SNX10: variants seen among roughly 807,000 people sequenced by gnomAD.
SNX10 encodes sorting nexin-10.
In SNX10, 25 loss-of-function variants were observed where a neutral mutation model predicts 28.5. That is an observed-to-expected ratio of 0.88 (90% CI 0.64 to 1.22). The LOEUF is 1.22. Among genes scored for constraint, SNX10 ranks in the 50% most tolerant of loss-of-function variants. SNX10 has a pLI of 0.00. For missense variants in SNX10, 223 were observed against 242.6 expected (o/e 0.92, Z 0.54); for synonymous variants, 62 against 81.4 (o/e 0.76, Z 1.28).
intron 1 of SNX10, among the ~76,000 whole-genome samples, chr7:26,327,352 G>T (rs994957391): frequency 6.6e-6 from 1 of 152,164 alleles, no homozygotes; most frequent in Non-Finnish European, 1.5e-5. Flanking sequence ...TCTGAACCCT[G>T]CTACTTTGTG....
intron 1 of SNX10, among the ~76,000 whole-genome samples, chr7:26,316,057 G>A (rs552020967): frequency 2.0e-5 from 3 of 151,732 alleles, no homozygotes; most frequent in East Asian, 1.9e-4. Flanking sequence ...GGTGGCAGGC[G>A]CCTGTAGTCC....
intron 1 of SNX10, among the ~76,000 whole-genome samples, chr7:26,316,981 T>C (rs534961023): frequency 6.6e-6 from 1 of 152,312 alleles, no homozygotes; most frequent in African/African-American, 2.4e-5. Flanking sequence ...GCCAGGCTAA[T>C]GCATATTTCC....
intron 1 of SNX10, among the ~76,000 whole-genome samples, chr7:26,294,625 G>A (rs1786042340): frequency 1.3e-5 from 2 of 152,138 alleles, no homozygotes; most frequent in African/African-American, 4.8e-5. Flanking sequence ...GGGAAACTAA[G>A]CCATCAGAGT....
Position 26,374,208 on chromosome 7 carries a change from C to T in SNX10, c.*1636C>T, listed in dbSNP as rs1789689237. The T allele has an allele frequency of 6.6e-6, 1 of 151,796 alleles. No individual in the cohort carries two copies. Among genetic ancestry groups the T allele is most frequent in the Non-Finnish European group, 1.5e-5 (1 of 67,844 alleles). The allele number at this position is 151,796 out of a possible 1,614,324, so 9.4% of individuals were successfully genotyped here. Reference sequence around the variant, plus strand: ...TTTTGAAAAACACATACTATGCCACCAATTGTCATATTATTTTTAGATGAT... The same window carrying T: ...TTTTGAAAAACACATACTATGCCACTAATTGTCATATTATTTTTAGATGAT... On this transcript the variant is annotated 3_prime_UTR_variant, in exon 7 of 7. Coordinates refer to ENST00000338523, the MANE Select transcript of SNX10 (RefSeq NM_013322.3).
chr7:26,323,010 G>A (rs922840219), intron 1 of SNX10, among the ~76,000 whole-genome samples: 2 of 152,164 alleles, frequency 1.3e-5, no homozygotes, highest in African/African-American at 4.8e-5. Flanking sequence ...CACTTTGGGA[G>A]TTCGAGGCAG....
At position 26,364,342 on chromosome 7, in the gene SNX10, T is replaced by A; in HGVS notation, c.112-193T>A. 1 of 1,310,788 alleles carries A rather than the reference T, an allele frequency of 7.6e-7. No individual in the cohort carries two copies. Among genetic ancestry groups the A allele is most frequent in the Non-Finnish European group, 9.7e-7 (1 of 1,030,378 alleles). The allele number at this position is 1,310,788 out of a possible 1,614,324, so 81.2% of individuals were successfully genotyped here. A position where few individuals can be genotyped will look rare whatever the true frequency, so the allele number is the denominator to read the frequency against. ...GGGGCAACACTGCTTATTTCCATCA[T>A]CCTGGCTGTCTTCAGGGCTGTTATG... On this transcript the variant is annotated intron_variant, in intron 3 of 6. Transcript: ENST00000338523. The surrounding 1 kb of genome is among the most constrained non-coding windows in gnomAD (Gnocchi z 4.9).
At chr7:26,340,433 C>G (rs757079846) in intron 1 of SNX10, among the ~76,000 whole-genome samples, 2 of 152,078 alleles carry the variant, frequency 1.3e-5, no homozygotes, top group African/African-American at 2.4e-5. Flanking sequence ...ACTATCTGAC[C>G]CTCTACAGAA....
intron 1 of SNX10, among the ~76,000 whole-genome samples, chr7:26,296,838 T>C (rs1026096091): frequency 5.3e-5 from 8 of 152,092 alleles, no homozygotes; most frequent in Non-Finnish European, 5.9e-5. Flanking sequence ...ATAGACCCCA[T>C]GTCTAAAAAA....
chr7:26,352,717 A>G (rs2698721), intron 2 of SNX10, among the ~76,000 whole-genome samples: 70,552 of 152,092 alleles, frequency 0.46, 17,903 homozygotes, highest in East Asian at 0.65. Flanking sequence ...CCTTCATATC[A>G]TCAAATATTC....
chr7:26,315,850 A>G (rs1256942537), intron 1 of SNX10, among the ~76,000 whole-genome samples: 1 of 152,082 alleles, frequency 6.6e-6, no homozygotes, highest in Non-Finnish European at 1.5e-5. Flanking sequence ...TCAAATTTGT[A>G]TTTAGAAGGT....
intron 3 of SNX10, among the ~76,000 whole-genome samples, chr7:26,363,698 A>G (rs970394890): frequency 1.3e-5 from 2 of 152,208 alleles, no homozygotes; most frequent in Non-Finnish European, 2.9e-5. Flanking sequence ...GGCTGAGCTT[A>G]GCATGGGGAC....
At chr7:26,370,174 C>T (rs974707446) in intron 5 of SNX10, among the ~76,000 whole-genome samples, 1 of 152,220 alleles carries the variant, frequency 6.6e-6, no homozygotes, top group African/African-American at 2.4e-5. Context: ...ACAGGAAACA[C>T]TCTGCTCAGA....
At chr7:26,318,135 A>G (rs1227705730) in intron 1 of SNX10, among the ~76,000 whole-genome samples, 2 of 152,186 alleles carry the variant, frequency 1.3e-5, no homozygotes, top group East Asian at 1.9e-4. Context: ...CATCGCCTAC[A>G]TTTCTGATGG....
At chr7:26,323,425 C>T (rs555403005) in intron 1 of SNX10, among the ~76,000 whole-genome samples, 205 of 152,096 alleles carry the variant, frequency 1.3e-3, no homozygotes, top group African/African-American at 4.8e-3. Flanking sequence ...ATAGTAGATG[C>T]GAAGGCCCTG....
rs1473712247 is a variant in SNX10 at position 26,327,718 on chromosome 7, A to ATTCTT, written c.-23-18694_-23-18690dup. Among the ~76,000 whole-genome samples, 1,114 of 117,736 alleles carry ATTCTT rather than the reference A, an allele frequency of 9.5e-3. 30 individuals carry two copies. Among genetic ancestry groups the ATTCTT allele is most frequent in the African/African-American group, 0.03 (881 of 28,954 alleles). The allele number at this position is 117,736 out of a possible 152,430, so 77.2% of individuals were successfully genotyped here. On this transcript the variant is annotated intron_variant, in intron 1 of 6. Coordinates refer to ENST00000338523, the MANE Select transcript of SNX10 (RefSeq NM_013322.3). ...ATTTGTTCATTGTATTCATTCATGC[A>ATTCTT]TTCTTTTCTTTTTTTTTTTTTTTTT...
intron 1 of SNX10, among the ~76,000 whole-genome samples, chr7:26,320,207 C>G (rs899412983): frequency 6.6e-6 from 1 of 151,902 alleles, no homozygotes; most frequent in Non-Finnish European, 1.5e-5. Flanking sequence ...GTCCCCAACT[C>G]TTGACCTCAA....
At chr7:26,363,738 T>C (rs1789177697) in intron 3 of SNX10, among the ~76,000 whole-genome samples, 1 of 147,732 alleles carries the variant, frequency 6.8e-6, no homozygotes, top group Non-Finnish European at 1.5e-5. Flanking sequence ...AAGTCTGCCT[T>C]AGGATAGCTG....
intron 2 of SNX10, chr7:26,354,299 CT>C (rs1329640206): frequency 3.3e-5 from 5 of 152,016 alleles, no homozygotes; most frequent in Non-Finnish European, 7.4e-5. Context: ...TGAAATGTCT[CT>C]TCATATCTTT....
chr7:26,315,806 T>G (rs1787061928), intron 1 of SNX10, among the ~76,000 whole-genome samples: 1 of 152,164 alleles, frequency 6.6e-6, no homozygotes, highest in African/African-American at 2.4e-5. Flanking sequence ...GTAAATAAAA[T>G]TGAAGCTGAC....
Sources: allele counts gnomAD v4.1 joint callset (sites outside exome capture counted in the v4.1 genomes callset), GRCh38; gene constraint gnomAD v4.1.1; non-coding constraint Gnocchi (gnomAD v3.1); transcripts MANE v1.5; gene names NCBI Gene and HGNC (gene_info 2026-07-23, HGNC 2026-07-21).